The following GRIA4 variants were observed in gnomAD, a reference collection of about 807,000 sequenced individuals.
The protein encoded by GRIA4 is glutamate receptor 4.
GRIA4 carries 34 observed loss-of-function variants against 104.0 expected under a neutral mutation model. The ratio of observed to expected loss-of-function variants is 0.33; its 90% CI spans 0.25 to 0.44. The LOEUF (loss-of-function observed/expected upper bound fraction) is 0.44. Among genes scored for constraint, GRIA4 ranks in the 20% least tolerant of loss-of-function variants. The pLI, the probability that GRIA4 is intolerant of heterozygous loss-of-function variation, is 1.00. For missense variants in GRIA4, 750 were observed against 1,096.5 expected (o/e 0.68, Z 4.46); for synonymous variants, 386 against 381.9 (o/e 1.01, Z -0.13).
chr11:105,686,063 G>C (rs561135062), intron 3 of GRIA4, among the ~76,000 whole-genome samples: 2 of 152,054 alleles, frequency 1.3e-5, no homozygotes, highest in African/African-American at 4.8e-5. Flanking sequence ...TGGCAAAAGA[G>C]TTTCTTTTTT....
chr11:105,914,257 A>G (rs2155021), intron 10 of GRIA4, among the ~76,000 whole-genome samples: 12,489 of 151,792 alleles, frequency 0.082, 730 homozygotes, highest in Admixed American at 0.18. Flanking sequence ...ATAATATCTT[A>G]ATTTTCACTT....
intron 4 of GRIA4, among the ~76,000 whole-genome samples, chr11:105,851,911 T>C (rs1944823951): frequency 6.6e-6 from 1 of 152,178 alleles, no homozygotes. Context: ...GAATGTAAGC[T>C]TCATGAAGAA....
At chr11:105,623,090 T>TATATATATAC (rs1377161261) in intron 3 of GRIA4, among the ~76,000 whole-genome samples, 18 of 123,208 alleles carry the variant, frequency 1.5e-4, no homozygotes, top group African/African-American at 3.7e-4. Flanking sequence ...TATATATATA[T>TATATATATAC]ACCATATTTT....
chr11:105,802,774 TG>T (rs1942776905), intron 4 of GRIA4, among the ~76,000 whole-genome samples: 1 of 78,154 alleles, frequency 1.3e-5, no homozygotes, highest in Non-Finnish European at 2.5e-5. Context: ...ATTATGTCAT[TG>T]AAAAAAACAA....
chr11:105,714,822 C>G (rs975357478), intron 3 of GRIA4, among the ~76,000 whole-genome samples: 5 of 150,514 alleles, frequency 3.3e-5, no homozygotes, highest in Non-Finnish European at 5.9e-5. Context: ...TGTGTGTGTT[C>G]GTGTGTGTGT....
rs142546051 is a variant in GRIA4 at position 105,652,564 on chromosome 11, T to C, written c.247+40130T>C. Among the ~76,000 whole-genome samples the C allele has an allele frequency of 4.1e-3, 617 of 152,334 alleles. 3 individuals are homozygous for C. The highest frequency in any genetic ancestry group is 0.014 in the African/African-American group (568 of 41,570). ...TTTACAAAATTGATTTTCCAGATGA[T>C]GTGAAGCTATCAACTAGAGCTTTCT... On this transcript the variant is annotated intron_variant, in intron 3 of 16. Transcript: ENST00000282499.
In GRIA4 at chr11:105,924,493, T is replaced by C; in HGVS notation, c.1571T>C (p.Ile524Thr). 6.2e-7 allele frequency: 1 copy of C among 1,613,216 alleles called. No individual in the cohort carries two copies. The highest frequency in any genetic ancestry group is 8.5e-7 in the Non-Finnish European group (1 of 1,179,356). ...SKPFMSLGIS[I>T]MIKKPQKSKP... ...CCCTTCATGAGTTTGGGCATATCTA[T>C]CATGATCAAAAAGCCTCAGAAATCC... The change falls in exon 12 of 17, where the codon ATC (isoleucine) becomes ACC (threonine). Residue 524 changes from isoleucine to threonine, a missense_variant. Around this residue, in one of 3 missense-constraint regions of GRIA4, gnomAD observed 272 missense variants for 524.5 expected, o/e 0.52. Coordinates refer to ENST00000282499, the MANE Select transcript of GRIA4 (RefSeq NM_000829.4).
chr11:105,734,343 C>T (rs919457169), intron 3 of GRIA4, among the ~76,000 whole-genome samples: 5 of 152,040 alleles, frequency 3.3e-5, no homozygotes, highest in Admixed American at 2.0e-4. Context: ...TAATTCTACT[C>T]ACTAAATATG....
rs116431428 is a variant in GRIA4, at chr11:105,933,901, G to A, written c.2226G>A (p.Thr742=). 3.0e-5 allele frequency: 48 copies of A among 1,613,204 alleles called. No individual in the cohort carries two copies. In the East Asian group the frequency reaches 7.4e-4, roughly 25 times the overall value. ...EYIEQRKPCD[T]MKVGGNLDSK... Reference sequence around the variant, plus strand: ...TTGAGCAGCGAAAGCCATGTGACACGATGAAAGTGGGAGGAAATCTGGATT... The same window carrying A: ...TTGAGCAGCGAAAGCCATGTGACACAATGAAAGTGGGAGGAAATCTGGATT... Residue 742 remains threonine (T), a synonymous_variant, in exon 14 of 17, where the codon ACG becomes ACA. Transcript: ENST00000282499.
intron 14 of GRIA4, among the ~76,000 whole-genome samples, chr11:105,966,465 T>G (rs1222043968): frequency 6.6e-6 from 1 of 152,168 alleles, no homozygotes; most frequent in Admixed American, 6.5e-5. Flanking sequence ...TATTGCTTAG[T>G]ATCAGCAATA....
At chr11:105,740,561 C>CAA (rs1939243504) in intron 3 of GRIA4, among the ~76,000 whole-genome samples, 1 of 152,164 alleles carries the variant, frequency 6.6e-6, no homozygotes, top group African/African-American at 2.4e-5. Context: ...TATTCTCCTA[C>CAA]ATAAAAGACG....
intron 14 of GRIA4, among the ~76,000 whole-genome samples, chr11:105,960,937 C>G (rs1474783756): frequency 6.6e-6 from 1 of 152,156 alleles, no homozygotes; most frequent in East Asian, 1.9e-4. Flanking sequence ...GTCATGCCAG[C>G]CTTCTAGACA....
chr11:105,919,268 G>A (rs981396488), intron 11 of GRIA4, among the ~76,000 whole-genome samples: 1 of 151,970 alleles, frequency 6.6e-6, no homozygotes, highest in Admixed American at 6.6e-5. Context: ...TTTGATAACT[G>A]TAGGAACAGG....
chr11:105,854,984 T>C (rs193020789), intron 4 of GRIA4, among the ~76,000 whole-genome samples: 27 of 152,346 alleles, frequency 1.8e-4, no homozygotes, highest in African/African-American at 6.3e-4. Flanking sequence ...GGTTCAACTG[T>C]ATTGTGAAAT....
chr11:105,709,417 C>A (rs1953830601), intron 3 of GRIA4, among the ~76,000 whole-genome samples: 1 of 152,082 alleles, frequency 6.6e-6, no homozygotes, highest in African/African-American at 2.4e-5. Context: ...AGGAAAGAAT[C>A]ATCAATGGAT....
rs569207039 is a variant in GRIA4 at position 105,739,818 on chromosome 11, A to T, written c.248-13163A>T. On this transcript the variant is annotated intron_variant, in intron 3 of 16. Coordinates refer to ENST00000282499, the MANE Select transcript of GRIA4 (RefSeq NM_000829.4). Reference sequence around the variant, plus strand: ...TATTTTAAGAGAAATTATTTTTAACATCCAGAGGGCTAATAAGATTTATTT... The same window carrying T: ...TATTTTAAGAGAAATTATTTTTAACTTCCAGAGGGCTAATAAGATTTATTT... 1.1e-3 allele frequency among the ~76,000 whole-genome samples: 161 copies of T among 152,300 alleles called. 1 individual carries two copies. In the South Asian group the frequency reaches 0.031, roughly 29 times the overall value.
chr11:105,624,583 T>C (rs1204182745), intron 3 of GRIA4, among the ~76,000 whole-genome samples: 1 of 152,166 alleles, frequency 6.6e-6, no homozygotes, highest in East Asian at 1.9e-4. Context: ...TCCCTCCTTA[T>C]TTGAAATTAG....
intron 4 of GRIA4, among the ~76,000 whole-genome samples, chr11:105,792,741 A>G (rs1942268178): frequency 6.6e-6 from 1 of 152,180 alleles, no homozygotes; most frequent in Non-Finnish European, 1.5e-5. Context: ...TTCTAATTAA[A>G]ATCCTTATCT....
At chr11:105,704,674 C>A (rs1466991129) in intron 3 of GRIA4, among the ~76,000 whole-genome samples, 1 of 151,974 alleles carries the variant, frequency 6.6e-6, no homozygotes, top group Non-Finnish European at 1.5e-5. Context: ...ACAATTAAAA[C>A]ACAAAAATTA....
Sources: allele counts gnomAD v4.1 joint callset (sites outside exome capture counted in the v4.1 genomes callset), GRCh38; gene constraint gnomAD v4.1.1; regional missense constraint gnomAD v4.1.1; transcripts MANE v1.5; gene names NCBI Gene and HGNC (gene_info 2026-07-23, HGNC 2026-07-21).